The following WDR7 variants were observed in gnomAD, a reference collection of about 807,000 sequenced individuals.
The protein encoded by WDR7 is WD repeat domain 7.
Under a neutral mutation model 169.4 loss-of-function variants are expected in WDR7, and 46 were observed. That is an observed-to-expected ratio of 0.27 (90% CI 0.21 to 0.35). The LOEUF (loss-of-function observed/expected upper bound fraction) is 0.35, where lower values mean the gene tolerates loss of function less well. Ranked by LOEUF, WDR7 falls within the 10% of genes least tolerant of loss-of-function variation. WDR7 has a pLI of 1.00. For synonymous variants in WDR7, 612 were observed against 666.8 expected (o/e 0.92, Z 1.27); for missense variants, 1,534 against 1,859.3 (o/e 0.83, Z 3.22).
intron 21 of WDR7, among the ~76,000 whole-genome samples, chr18:56,909,611 A>G (rs984063574): frequency 6.6e-6 from 1 of 152,150 alleles, no homozygotes; most frequent in African/African-American, 2.4e-5. Flanking sequence ...TGTTTTATAT[A>G]TAACATAAGA....
downstream of WDR7, chr18:57,032,566 T>G (rs1378343617): frequency 6.6e-6 from 1 of 152,122 alleles, no homozygotes; most frequent in Admixed American, 6.5e-5. Context: ...TCACTTGCAT[T>G]ACTGCCTGAG....
intron 19 of WDR7, among the ~76,000 whole-genome samples, chr18:56,803,908 A>G (rs987134585): frequency 6.6e-6 from 1 of 152,096 alleles, no homozygotes; most frequent in Non-Finnish European, 1.5e-5. Context: ...CAATATTCCC[A>G]CCTCAACCTT....
At chr18:56,765,565 C>T (rs1402998410) in intron 16 of WDR7, among the ~76,000 whole-genome samples, 1 of 151,904 alleles carries the variant, frequency 6.6e-6, no homozygotes, top group African/African-American at 2.4e-5. Flanking sequence ...TGTTGTCCTG[C>T]ATTTTACTTT....
chr18:56,962,630 A>T, intron 26 of WDR7, 101 bp downstream of exon 26: 1 of 1,015,240 alleles, frequency 9.8e-7, no homozygotes, highest in Admixed American at 1.9e-5. Context: ...CTGCTGGAAC[A>T]TTATGGATAA....
At chr18:56,974,626 A>G (rs1387975618) in intron 26 of WDR7, among the ~76,000 whole-genome samples, 2 of 152,194 alleles carry the variant, frequency 1.3e-5, no homozygotes, top group South Asian at 2.1e-4. Context: ...CTCATGTGCT[A>G]GGCACCAGTT....
chr18:56,912,257 C>T (rs2046562991), intron 21 of WDR7, among the ~76,000 whole-genome samples: 2 of 152,188 alleles, frequency 1.3e-5, no homozygotes, highest in African/African-American at 2.4e-5. Flanking sequence ...ATGGATAGAA[C>T]ATGGACTGCT....
At chr18:56,993,810 G>A (rs946388725) in intron 26 of WDR7, among the ~76,000 whole-genome samples, 2 of 152,068 alleles carry the variant, frequency 1.3e-5, no homozygotes, top group South Asian at 2.1e-4. Context: ...TCATCTCAGA[G>A]GATAATCTTC....
intron 22 of WDR7, among the ~76,000 whole-genome samples, chr18:56,932,909 ATCTG>A (rs2046909117): frequency 6.8e-6 from 1 of 147,062 alleles, no homozygotes; most frequent in South Asian, 2.1e-4. Context: ...GTGTGTGTCT[ATCTG>A]TCTGTCTCCC....
chr18:56,894,675 A>G (rs1352632860), intron 21 of WDR7, among the ~76,000 whole-genome samples: 2 of 152,250 alleles, frequency 1.3e-5, no homozygotes, highest in Non-Finnish European at 2.9e-5. Flanking sequence ...CTACCAAGTC[A>G]TGAATCTTTG....
chr18:56,851,806 A>G (rs1269335007), intron 20 of WDR7, among the ~76,000 whole-genome samples: 1 of 152,194 alleles, frequency 6.6e-6, no homozygotes, highest in African/African-American at 2.4e-5. Context: ...AAAGTTTAAC[A>G]TATTTTGAAT....
At chr18:56,807,737 C>G (rs1416839757) in intron 19 of WDR7, among the ~76,000 whole-genome samples, 1 of 149,896 alleles carries the variant, frequency 6.7e-6, no homozygotes, top group East Asian at 1.9e-4. Context: ...AAGATCAAAA[C>G]TCGTGTTACC....
intron 12 of WDR7, among the ~76,000 whole-genome samples, chr18:56,706,730 C>G (rs1019757915): frequency 4.6e-5 from 7 of 151,890 alleles, no homozygotes; most frequent in Admixed American, 4.6e-4. Flanking sequence ...CTCTGTCACC[C>G]AGGCTGGAGT....
chr18:56,777,022 T>C (rs910284390), intron 17 of WDR7, 142 bp downstream of exon 17: 2 of 784,392 alleles, frequency 2.5e-6, no homozygotes, highest in African/African-American at 3.4e-5. Context: ...TATTTGCTAA[T>C]GTCAATGACA....
At chr18:56,779,244 T>A (rs2044283478) in intron 17 of WDR7, among the ~76,000 whole-genome samples, 187 bp from the exon 18 acceptor site, 1 of 152,352 alleles carries the variant, frequency 6.6e-6, no homozygotes, top group South Asian at 2.1e-4. Context: ...ACCAATTACA[T>A]GATTTAGGGA....
At chr18:56,905,396 A>G (rs957465300) in intron 21 of WDR7, among the ~76,000 whole-genome samples, 1 of 151,964 alleles carries the variant, frequency 6.6e-6, no homozygotes, top group African/African-American at 2.4e-5. Flanking sequence ...TGATCTGCCC[A>G]CCTCAGCCTC....
intron 19 of WDR7, among the ~76,000 whole-genome samples, chr18:56,813,196 TAAA>T (rs112941474): frequency 2.0e-5 from 3 of 146,788 alleles, no homozygotes; most frequent in Admixed American, 1.4e-4. Context: ...AAAAAAACAT[TAAA>T]AAAAAAAAAT....
At chr18:56,894,385 C>T (rs2046303932) in intron 21 of WDR7, among the ~76,000 whole-genome samples, 1 of 152,034 alleles carries the variant, frequency 6.6e-6, no homozygotes, top group African/African-American at 2.4e-5. Flanking sequence ...CTTGCTTACT[C>T]CAGTGCCCTG....
At chr18:57,009,725 C>A (rs984397465) in intron 26 of WDR7, 5 of 477,068 alleles carry the variant, frequency 1.0e-5, no homozygotes, top group Non-Finnish European at 1.4e-5. Flanking sequence ...GTAACACTTT[C>A]AAGCATTTCT....
chr18:56,991,191 G>C (rs913010628), intron 26 of WDR7, among the ~76,000 whole-genome samples: 3 of 135,348 alleles, frequency 2.2e-5, no homozygotes, highest in Non-Finnish European at 3.0e-5. Context: ...CTGTCGCCCA[G>C]GCTGGAGTGA....
Sources: allele counts gnomAD v4.1 joint callset (sites outside exome capture counted in the v4.1 genomes callset), GRCh38; gene constraint gnomAD v4.1.1; transcripts MANE v1.5; gene names NCBI Gene and HGNC (gene_info 2026-07-23, HGNC 2026-07-21).